Variants in THSD7B observed in about 807,000 individuals in gnomAD.
THSD7B encodes the protein thrombospondin type-1 domain-containing protein 7B.
In THSD7B, 138 loss-of-function variants were observed where a neutral mutation model predicts 213.6. The observed-to-expected ratio is 0.65, with a 90% confidence interval of 0.56 to 0.74. The LOEUF is 0.74. Ranked by LOEUF, THSD7B falls within the 30% of genes least tolerant of loss-of-function variation. The pLI, the probability that THSD7B is intolerant of heterozygous loss-of-function variation, is 0.00. For missense variants in THSD7B, 1,931 were observed against 1,991.5 expected (o/e 0.97, Z 0.58); for synonymous variants, 742 against 687.0 (o/e 1.08, Z -1.25).
intron 1 of THSD7B, among the ~76,000 whole-genome samples, chr2:136,785,556 CTT>C (rs1352579816): frequency 6.6e-6 from 1 of 152,182 alleles, no homozygotes; most frequent in Non-Finnish European, 1.5e-5. Context: ...GCTTCCAGCT[CTT>C]GTTTTCCATT....
At chr2:136,947,670 C>T (rs778277922) in intron 2 of THSD7B, among the ~76,000 whole-genome samples, 2 of 152,222 alleles carry the variant, frequency 1.3e-5, no homozygotes, top group African/African-American at 4.8e-5. Context: ...GGTGACGGCA[C>T]ATGGGAGGAT....
At chr2:137,553,034 C>G (rs1165942465) in intron 15 of THSD7B, among the ~76,000 whole-genome samples, 1 of 152,144 alleles carries the variant, frequency 6.6e-6, no homozygotes, top group Non-Finnish European at 1.5e-5. Context: ...GGAGAAGAAG[C>G]AATCTCATAG....
At chr2:137,599,717 CCTT>C (rs1682039716) in intron 17 of THSD7B, among the ~76,000 whole-genome samples, 1 of 152,168 alleles carries the variant, frequency 6.6e-6, no homozygotes, top group Admixed American at 6.5e-5. Flanking sequence ...TTCTTTCCTC[CCTT>C]CTTGTATGAT....
chr2:137,406,293 GC>G (rs1319025347), intron 13 of THSD7B, among the ~76,000 whole-genome samples: 5 of 152,108 alleles, frequency 3.3e-5, no homozygotes, highest in Non-Finnish European at 5.9e-5. Context: ...TACTCATTCT[GC>G]TTTTGTGGTA....
intron 7 of THSD7B, among the ~76,000 whole-genome samples, chr2:137,182,917 T>G (rs569562843): frequency 2.0e-4 from 31 of 152,192 alleles, no homozygotes; most frequent in Non-Finnish European, 3.2e-4. Context: ...ATATAGATGC[T>G]GATTTCATCT....
chr2:137,194,237 G>A (rs1268846401), intron 7 of THSD7B, among the ~76,000 whole-genome samples: 2 of 152,310 alleles, frequency 1.3e-5, no homozygotes, highest in East Asian at 1.9e-4. Flanking sequence ...TTTGGGGAAT[G>A]CAGGAGTTGC....
intron 15 of THSD7B, among the ~76,000 whole-genome samples, chr2:137,469,887 T>A (rs1280418487): frequency 6.6e-6 from 1 of 152,182 alleles, no homozygotes; most frequent in East Asian, 1.9e-4. Flanking sequence ...GAGAAGTAGT[T>A]TTAATAACTT....
intron 5 of THSD7B, among the ~76,000 whole-genome samples, chr2:137,130,361 C>T (rs905644286): frequency 6.6e-6 from 1 of 151,984 alleles, no homozygotes; most frequent in African/African-American, 2.4e-5. Context: ...CCTTACTTTT[C>T]CCAAGCCTCA....
chr2:137,217,820 T>C (rs1044141547), intron 7 of THSD7B, among the ~76,000 whole-genome samples: 2 of 152,132 alleles, frequency 1.3e-5, no homozygotes, highest in African/African-American at 4.8e-5. Flanking sequence ...ATACATAAGA[T>C]ACATCATTTT....
chr2:137,358,728 C>T (rs898046905), intron 12 of THSD7B, among the ~76,000 whole-genome samples: 3 of 152,250 alleles, frequency 2.0e-5, no homozygotes, highest in African/African-American at 7.2e-5. Context: ...GATGCCATAT[C>T]TTATACTTCA....
intron 10 of THSD7B, among the ~76,000 whole-genome samples, chr2:137,267,075 A>C (rs188109078): frequency 1.3e-5 from 2 of 152,288 alleles, no homozygotes; most frequent in African/African-American, 4.8e-5. Context: ...CTTCACAAAG[A>C]ATCTATAAAC....
chr2:137,032,938 A>G (rs1441373582), intron 2 of THSD7B, among the ~76,000 whole-genome samples: 1 of 152,132 alleles, frequency 6.6e-6, no homozygotes, highest in African/African-American at 2.4e-5. Context: ...TATTTTCTTT[A>G]TGTATTTTTA....
chr2:137,320,077 T>A (rs946604224), intron 12 of THSD7B, among the ~76,000 whole-genome samples: 32 of 152,320 alleles, frequency 2.1e-4, no homozygotes, highest in Admixed American at 2.1e-3. Context: ...TCATTAGATT[T>A]CTTTTATAAG....
intron 2 of THSD7B, among the ~76,000 whole-genome samples, chr2:136,973,696 T>C (rs1423313608): frequency 1.3e-5 from 2 of 152,332 alleles, no homozygotes; most frequent in African/African-American, 2.4e-5. Context: ...TGTTTCAAAT[T>C]GCTATTTTGC....
At chr2:136,846,257 C>T (rs1030590859) in intron 1 of THSD7B, among the ~76,000 whole-genome samples, 4 of 152,196 alleles carry the variant, frequency 2.6e-5, no homozygotes, top group Middle Eastern at 3.4e-3. Flanking sequence ...GGTTATCACA[C>T]TCATACCCTG....
intron 2 of THSD7B, among the ~76,000 whole-genome samples, chr2:136,960,580 TG>T (rs1685199732): frequency 6.6e-6 from 1 of 152,176 alleles, no homozygotes. Context: ...TTTTTTGATA[TG>T]GGTTACTTCA....
chr2:137,165,429 T>G (rs1680105789), intron 6 of THSD7B, among the ~76,000 whole-genome samples: 1 of 152,164 alleles, frequency 6.6e-6, no homozygotes, highest in Non-Finnish European at 1.5e-5. Flanking sequence ...TATCCAAGCA[T>G]GTTATGATGA....
At chr2:137,051,892 G>A (rs1316722248) in intron 2 of THSD7B, among the ~76,000 whole-genome samples, 1 of 152,036 alleles carries the variant, frequency 6.6e-6, no homozygotes, top group East Asian at 1.9e-4. Flanking sequence ...TAAAATTCAG[G>A]CATCCAGCAT....
At chr2:137,103,973 C>T (rs189726786) in intron 4 of THSD7B, among the ~76,000 whole-genome samples, 3 of 151,918 alleles carry the variant, frequency 2.0e-5, no homozygotes, top group South Asian at 2.1e-4. Flanking sequence ...ATTAGATCAA[C>T]GAGACAGAAA....
Sources: gnomAD v4.1 joint callset for allele counts (sites outside exome capture counted in the v4.1 genomes callset) on GRCh38, gnomAD v4.1.1 for gene constraint, MANE v1.5 for transcripts, NCBI Gene and HGNC (gene_info 2026-07-23, HGNC 2026-07-21) for gene names.